The following CORIN variants were observed in gnomAD, a reference collection of about 807,000 sequenced individuals.
CORIN encodes corin, serine peptidase.
In CORIN, 117 loss-of-function variants were observed where a neutral mutation model predicts 125.3. The observed-to-expected ratio is 0.93, with a 90% CI of 0.80 to 1.09. The LOEUF (loss-of-function observed/expected upper bound fraction) is 1.09, where lower values mean the gene tolerates loss of function less well. Ranked by LOEUF, CORIN falls within the 50% of genes least tolerant of loss-of-function variation. CORIN has a pLI of 0.00. For missense variants in CORIN, 1,253 were observed against 1,306.7 expected (o/e 0.96, Z 0.63); for synonymous variants, 450 against 466.4 (o/e 0.96, Z 0.45).
At chr4:47,615,762 C>T (rs368612275) in intron 19 of CORIN, among the ~76,000 whole-genome samples, 4 of 152,142 alleles carry the variant, frequency 2.6e-5, no homozygotes, top group South Asian at 2.1e-4. Flanking sequence ...TTCTAGCCTC[C>T]GGAACTGTAT....
intron 16 of CORIN, among the ~76,000 whole-genome samples, chr4:47,627,956 G>A (rs1722646875): frequency 6.6e-6 from 1 of 152,068 alleles, no homozygotes; most frequent in South Asian, 2.1e-4. Flanking sequence ...CAACTCAAAA[G>A]GCCCCCAGCT....
chr4:47,785,218 C>T (rs1282744335), intron 3 of CORIN, among the ~76,000 whole-genome samples: 1 of 152,194 alleles, frequency 6.6e-6, no homozygotes, highest in African/African-American at 2.4e-5. Flanking sequence ...CTGGCAGTGG[C>T]TGTACTGTGC....
At chr4:47,711,301 A>C (rs1290081785) in intron 5 of CORIN, among the ~76,000 whole-genome samples, 1 of 152,248 alleles carries the variant, frequency 6.6e-6, no homozygotes, top group Non-Finnish European at 1.5e-5. Flanking sequence ...CGTTTTTCAC[A>C]GTAATGGAGT....
chr4:47,725,781 G>A (rs2109805272), intron 5 of CORIN, among the ~76,000 whole-genome samples: 1 of 152,144 alleles, frequency 6.6e-6, no homozygotes, highest in East Asian at 1.9e-4. Context: ...TTCTGTGAAA[G>A]ACACTGTGAA....
chr4:47,768,275 G>C (rs1194675271), intron 3 of CORIN, among the ~76,000 whole-genome samples: 1 of 152,156 alleles, frequency 6.6e-6, no homozygotes, highest in African/African-American at 2.4e-5. Flanking sequence ...CAGCCTTGTT[G>C]CTCACACAAA....
At chr4:47,782,579 A>C (rs1302448951) in intron 3 of CORIN, among the ~76,000 whole-genome samples, 1 of 152,208 alleles carries the variant, frequency 6.6e-6, no homozygotes, top group Non-Finnish European at 1.5e-5. Flanking sequence ...TTTTCACACA[A>C]AAACTTGCAC....
chr4:47,779,237 C>A (rs376232649), intron 3 of CORIN, among the ~76,000 whole-genome samples: 2 of 152,192 alleles, frequency 1.3e-5, no homozygotes, highest in East Asian at 3.9e-4. Flanking sequence ...GAGGCTGAGG[C>A]AGGCGGATCA....
chr4:47,677,742 A>T (rs1404792900), intron 9 of CORIN, among the ~76,000 whole-genome samples, 196 bp downstream of exon 9: 1 of 152,216 alleles, frequency 6.6e-6, no homozygotes, highest in Non-Finnish European at 1.5e-5. Flanking sequence ...AATGATTTTC[A>T]GTGTAAGTTG....
At chr4:47,597,694 G>A (rs1332362307) in intron 21 of CORIN, among the ~76,000 whole-genome samples, 1 of 152,134 alleles carries the variant, frequency 6.6e-6, no homozygotes, top group Non-Finnish European at 1.5e-5. Flanking sequence ...CTCAGCTATT[G>A]AAGTGGAACT....
At chr4:47,647,947 A>G (rs1315975580) in intron 13 of CORIN, among the ~76,000 whole-genome samples, 1 of 152,238 alleles carries the variant, frequency 6.6e-6, no homozygotes, top group East Asian at 1.9e-4. Flanking sequence ...TAAACATTAA[A>G]GGAATACTCC....
chr4:47,680,572 A>G (rs763314218), intron 7 of CORIN: 37 of 244,204 alleles, frequency 1.5e-4, no homozygotes, highest in Admixed American at 2.2e-4. Flanking sequence ...TGAAAAATTT[A>G]TGATTTCTAC....
intron 21 of CORIN, among the ~76,000 whole-genome samples, chr4:47,597,640 G>A (rs747633309): frequency 2.6e-5 from 4 of 151,966 alleles, no homozygotes; most frequent in African/African-American, 4.8e-5. Context: ...ATATGCATAG[G>A]GTATTTCATT....
intron 12 of CORIN, among the ~76,000 whole-genome samples, chr4:47,660,390 C>T (rs1243711590): frequency 1.3e-5 from 2 of 152,086 alleles, no homozygotes; most frequent in East Asian, 3.9e-4. Flanking sequence ...GAAGAGACAA[C>T]TCACAGAATG....
chr4:47,742,656 G>A (rs1003662729), intron 5 of CORIN, among the ~76,000 whole-genome samples: 20 of 151,994 alleles, frequency 1.3e-4, no homozygotes, highest in African/African-American at 4.1e-4. Flanking sequence ...AAGACTGACT[G>A]TTGTAAAGAA....
chr4:47,763,517 AGG>A lies in CORIN; in HGVS notation c.477_478del (p.Val162CysfsTer36), dbSNP rs1204122519. On this transcript the variant is annotated frameshift_variant, in exon 4 of 22. Transcript: ENST00000273857. LOFTEE classifies it high-confidence loss of function. ...CATTTCCATGTTTCTGACAACTGAG[AGG>A]AGAGGTGTCAGCGTGGCGTGGTAGG... is the stretch of plus-strand genomic sequence containing the variant. 1 of 1,614,036 alleles carries A rather than the reference AGG, an allele frequency of 6.2e-7. No homozygotes were observed. The highest frequency in any genetic ancestry group is 1.3e-5 in the African/African-American group (1 of 74,926).
At chr4:47,827,676 G>C (rs1398703460) in intron 1 of CORIN, among the ~76,000 whole-genome samples, 1 of 152,068 alleles carries the variant, frequency 6.6e-6, no homozygotes, top group Admixed American at 6.5e-5. Flanking sequence ...CTGCTCTTTT[G>C]CTATTCTGAG....
chr4:47,782,356 G>A (rs1295427071), intron 3 of CORIN, among the ~76,000 whole-genome samples: 1 of 149,168 alleles, frequency 6.7e-6, no homozygotes, highest in African/African-American at 2.5e-5. Context: ...CTGCACTCCA[G>A]CCTGGGCAAC....
intron 5 of CORIN, among the ~76,000 whole-genome samples, chr4:47,703,286 T>C (rs1378718535): frequency 1.3e-5 from 2 of 152,190 alleles, no homozygotes; most frequent in East Asian, 1.9e-4. Context: ...CAAGGTAGAA[T>C]TGGGAAAACC....
At position 47,786,413 on chromosome 4, in the gene CORIN, C is replaced by T. The variant is rs191763722; in HGVS notation, c.409+312G>A. Among the ~76,000 whole-genome samples, 206 of 151,940 alleles carry T rather than the reference C, an allele frequency of 1.4e-3. 3 individuals are homozygous for T. The East Asian group carries it at 0.03, about 22-fold the overall frequency. ...AAAATTAGCTGGGCGTGGTGGCGGG[C>T]GCCTGTAATCCCAGCCACTCAAGAG... On this transcript the variant is annotated intron_variant, in intron 3 of 21. Coordinates refer to ENST00000273857, the MANE Select transcript of CORIN (RefSeq NM_006587.4).
Sources: gnomAD v4.1 joint callset for allele counts (sites outside exome capture counted in the v4.1 genomes callset) on GRCh38, gnomAD v4.1.1 for gene constraint, MANE v1.5 for transcripts, NCBI Gene and HGNC (gene_info 2026-07-23, HGNC 2026-07-21) for gene names.